GRB14: variants seen among roughly 807,000 people sequenced by gnomAD.
The protein encoded by GRB14 is growth factor receptor bound protein 14.
GRB14 carries 38 observed loss-of-function variants against 69.1 expected under a neutral mutation model. That is an observed-to-expected ratio of 0.55 (90% confidence interval 0.42 to 0.72). The LOEUF is 0.72. Among genes scored for constraint, GRB14 ranks in the 30% least tolerant of loss-of-function variants. The pLI is 0.00. For synonymous variants in GRB14, 247 were observed against 241.3 expected, an observed-to-expected ratio of 1.02 and a Z score of -0.22; for missense variants, 666 against 666.1, an observed-to-expected ratio of 1.00 and a Z score of 0.00.
chr2:164,617,966 G>T (rs1183760961), intron 2 of GRB14, among the ~76,000 whole-genome samples: 15 of 137,260 alleles, frequency 1.1e-4, no homozygotes, highest in South Asian at 8.1e-4. Context: ...TTTTGGGGGG[G>T]GGGGGGTAGT....
At chr2:164,498,430 C>A (rs2105256746) in intron 9 of GRB14, among the ~76,000 whole-genome samples, 1 of 152,056 alleles carries the variant, frequency 6.6e-6, no homozygotes, top group Admixed American at 6.6e-5. Flanking sequence ...AATATGCCAC[C>A]CCACAACAAG....
At chr2:164,564,448 G>A in intron 2 of GRB14, among the ~76,000 whole-genome samples, 1 of 152,096 alleles carries the variant, frequency 6.6e-6, no homozygotes, top group East Asian at 1.9e-4. Context: ...ATAGCAATTA[G>A]TCTAATTGTA....
At chr2:164,604,706 A>G (rs1450960516) in intron 2 of GRB14, among the ~76,000 whole-genome samples, 2 of 152,196 alleles carry the variant, frequency 1.3e-5, no homozygotes, top group East Asian at 1.9e-4. Flanking sequence ...CTAGTATTAC[A>G]TTCAACAACA....
chr2:164,573,723 A>G (rs2105332305), intron 2 of GRB14: 2 of 1,603,998 alleles, frequency 1.2e-6, no homozygotes, highest in Non-Finnish European at 8.5e-7. Context: ...ATTCTAATTA[A>G]GTTTCTTCTC....
At chr2:164,539,394 G>A (rs1284824148) in intron 3 of GRB14, among the ~76,000 whole-genome samples, 2 of 151,938 alleles carry the variant, frequency 1.3e-5, no homozygotes, top group East Asian at 3.9e-4. Flanking sequence ...AGAATCACTT[G>A]CAGCTGGGAG....
chr2:164,510,400 C>T (rs1388114080), intron 6 of GRB14, among the ~76,000 whole-genome samples: 1 of 152,046 alleles, frequency 6.6e-6, no homozygotes, highest in Non-Finnish European at 1.5e-5. Flanking sequence ...CCCATGTGTA[C>T]GGACATGGGG....
At chr2:164,535,840 C>T (rs1202382874) in intron 3 of GRB14, among the ~76,000 whole-genome samples, 4 of 152,190 alleles carry the variant, frequency 2.6e-5, no homozygotes, top group African/African-American at 9.6e-5. Context: ...GACACTTCAG[C>T]TTGATGGCTA....
At chr2:164,598,843 T>C (rs1372820214) in intron 2 of GRB14, among the ~76,000 whole-genome samples, 1 of 152,220 alleles carries the variant, frequency 6.6e-6, no homozygotes, top group Non-Finnish European at 1.5e-5. Context: ...TTCCTTCCAG[T>C]TGCCACCATC....
Position 164,574,911 on chromosome 2 carries a change from C to T in GRB14, c.325-27095G>A, listed in dbSNP as rs1689216926. Among the ~76,000 whole-genome samples, 3 of 148,916 alleles carry T rather than the reference C, an allele frequency of 2.0e-5. No individual in the cohort carries two copies. In the Admixed American group the frequency reaches 2.0e-4, roughly 10 times the overall value. Reference sequence around the variant, plus strand: ...CTCCACTGAACTCCAGCCTGGGGAACAGAGGGAGACCCTATCTCAAAATGA... The same window carrying T: ...CTCCACTGAACTCCAGCCTGGGGAATAGAGGGAGACCCTATCTCAAAATGA... On this transcript the variant is annotated intron_variant, in intron 2 of 13. Transcript: ENST00000263915.
intron 3 of GRB14, among the ~76,000 whole-genome samples, chr2:164,537,275 G>A (rs2105299728): frequency 6.6e-6 from 1 of 152,220 alleles, no homozygotes; most frequent in South Asian, 2.1e-4. Flanking sequence ...AGAAAAGGCT[G>A]GGGTTTTACT....
rs2105367875 is a variant in GRB14, at chr2:164,621,050, G to A, written c.191+69C>T. On this transcript the variant is annotated intron_variant, in intron 1 of 13. Coordinates refer to ENST00000263915, the MANE Select transcript of GRB14 (RefSeq NM_004490.3). This position sits in a 1 kb window ranked among gnomAD's most constrained non-coding sequence, Gnocchi z 6.0. ...TCTGGGCACATGGCTCACCCCCTAGGACCGCCTCCTCACCCCCTCGCCGGC... is the reference window on the plus strand; with the variant it reads ...TCTGGGCACATGGCTCACCCCCTAGAACCGCCTCCTCACCCCCTCGCCGGC... 8.3e-7 allele frequency: 1 copy of A among 1,210,044 alleles called. No individual in the cohort carries two copies. The highest frequency in any genetic ancestry group is 1.6e-5 in the African/African-American group (1 of 63,726). The allele number at this position is 1,210,044 out of a possible 1,614,324, so 75.0% of individuals were successfully genotyped here.
intron 2 of GRB14, among the ~76,000 whole-genome samples, chr2:164,584,090 A>G (rs1267921093): frequency 1.3e-5 from 2 of 150,494 alleles, no homozygotes; most frequent in Non-Finnish European, 2.9e-5. Flanking sequence ...GGTTCAAGCA[A>G]TTCTCCTGCC....
At chr2:164,503,169 T>TAAAAA (rs3086552) in intron 8 of GRB14, among the ~76,000 whole-genome samples, 3 of 126,594 alleles carry the variant, frequency 2.4e-5, no homozygotes, top group Non-Finnish European at 3.4e-5. Context: ...GCTACTTTGT[T>TAAAAA]AAAAAAAAAA....
chr2:164,563,233 T>C (rs16849583), intron 2 of GRB14, among the ~76,000 whole-genome samples: 18,727 of 152,206 alleles, frequency 0.12, 1,368 homozygotes, highest in East Asian at 0.34. Flanking sequence ...AAAGCATAGC[T>C]ACATTTCATA....
chr2:164,558,000 C>T, intron 2 of GRB14, among the ~76,000 whole-genome samples: 1 of 152,098 alleles, frequency 6.6e-6, no homozygotes, highest in Non-Finnish European at 1.5e-5. Context: ...AAACTTGGCA[C>T]AGAAGGGAAG....
At chr2:164,555,736 A>G (rs1267597474) in intron 2 of GRB14, among the ~76,000 whole-genome samples, 4 of 151,046 alleles carry the variant, frequency 2.6e-5, no homozygotes, top group Non-Finnish European at 5.9e-5. Context: ...TAATTTATGT[A>G]TTGTATCTAT....
intron 3 of GRB14, among the ~76,000 whole-genome samples, chr2:164,531,157 T>C (rs1687925401): frequency 6.6e-6 from 1 of 152,178 alleles, no homozygotes. Flanking sequence ...AGTAATAAGC[T>C]AGAAAAACTG....
At chr2:164,513,948 GGACATAGACTA>G (rs552273426) in intron 6 of GRB14, among the ~76,000 whole-genome samples, 97 of 152,264 alleles carry the variant, frequency 6.4e-4, no homozygotes, top group African/African-American at 2.3e-3. Context: ...ATAACATAAT[GGACATAGACTA>G]GACACAGAAA....
chr2:164,552,924 C>A (rs1422150978), intron 2 of GRB14, among the ~76,000 whole-genome samples: 14 of 152,186 alleles, frequency 9.2e-5, no homozygotes, highest in Admixed American at 9.2e-4. Flanking sequence ...ACAAGAGGAA[C>A]CAACTCTGGG....
Sources: allele counts gnomAD v4.1 joint callset (sites outside exome capture counted in the v4.1 genomes callset), GRCh38; gene constraint gnomAD v4.1.1; non-coding constraint Gnocchi (gnomAD v3.1); transcripts MANE v1.5; gene names NCBI Gene and HGNC (gene_info 2026-07-23, HGNC 2026-07-21).